Variants in UNC13C observed in about 807,000 individuals in gnomAD.
UNC13C encodes unc-13 homolog C, also known as protein unc-13 homolog C.
In UNC13C, 174 loss-of-function variants were observed where a neutral mutation model predicts 245.4. The observed-to-expected ratio is 0.71, with a 90% CI of 0.63 to 0.80. UNC13C has a LOEUF of 0.80. UNC13C is among the 30% of genes least tolerant of loss of function. The probability of loss-of-function intolerance (pLI) is 0.00; values close to 1 mark genes in which losing one functional copy is unlikely to be tolerated. For synonymous variants in UNC13C, 992 were observed against 895.1 expected (o/e 1.11, Z -1.93); for missense variants, 2,829 against 2,602.9 (o/e 1.09, Z -1.89).
At chr15:54,491,137 AT>A (rs1893682473) in intron 19 of UNC13C, among the ~76,000 whole-genome samples, 1 of 152,166 alleles carries the variant, frequency 6.6e-6, no homozygotes, top group Non-Finnish European at 1.5e-5. Flanking sequence ...CCCAGTAAAC[AT>A]TTTTTGGTAG....
intron 10 of UNC13C, among the ~76,000 whole-genome samples, chr15:54,280,619 T>A (rs1039978105): frequency 4.0e-5 from 6 of 148,738 alleles, no homozygotes; most frequent in Non-Finnish European, 5.9e-5. Flanking sequence ...TCCATATATA[T>A]GTATACATAC....
At chr15:54,274,898 C>T (rs918403676) in intron 10 of UNC13C, among the ~76,000 whole-genome samples, 7 of 152,066 alleles carry the variant, frequency 4.6e-5, no homozygotes, top group African/African-American at 1.7e-4. Context: ...TCTCAATCTC[C>T]TGACCTTGTG....
chr15:54,091,622 C>T (rs942493067), intron 2 of UNC13C, among the ~76,000 whole-genome samples: 3 of 151,464 alleles, frequency 2.0e-5, no homozygotes, highest in Non-Finnish European at 4.4e-5. Context: ...ATTTTTATTC[C>T]TTCTTTGAAT....
At chr15:53,939,322 G>A in the UNC13C span, among the ~76,000 whole-genome samples, 3 of 152,120 alleles carry the variant, frequency 2.0e-5, no homozygotes, top group Non-Finnish European at 4.4e-5. Context: ...CCACTAATGA[G>A]TTCTGAAATT....
At chr15:53,970,591 A>T in the UNC13C span, among the ~76,000 whole-genome samples, 1 of 152,134 alleles carries the variant, frequency 6.6e-6, no homozygotes, top group Admixed American at 6.5e-5. Flanking sequence ...AGAAAACCAA[A>T]TACCACATGT....
the UNC13C span, among the ~76,000 whole-genome samples, chr15:53,856,977 A>G: frequency 3.9e-5 from 6 of 152,096 alleles, no homozygotes; most frequent in Admixed American, 3.9e-4. Flanking sequence ...TTGGGTGCAT[A>G]TATATTTAGA....
In UNC13C at chr15:54,404,289, C is replaced by A. The variant is rs2040249056; in HGVS notation, c.4848-10693C>A. 2.0e-5 allele frequency among the ~76,000 whole-genome samples: 3 copies of A among 152,054 alleles called. No individual in the cohort carries two copies. In the South Asian group the frequency reaches 6.2e-4, roughly 32 times the overall value. On this transcript the variant is annotated intron_variant, in intron 18 of 32. Coordinates refer to ENST00000260323, the MANE Select transcript of UNC13C (RefSeq NM_001080534.3). ...CTCATTTAATGGATTCTAATTTTATCCATTGTGACTGATGAATCAGTATTA... is the reference window on the plus strand; with the variant it reads ...CTCATTTAATGGATTCTAATTTTATACATTGTGACTGATGAATCAGTATTA...
chr15:54,050,086 C>T (rs1397983357), intron 2 of UNC13C: 3 of 326,812 alleles, frequency 9.2e-6, no homozygotes, highest in South Asian at 2.6e-5. Context: ...TCTCCTGCCT[C>T]AGCCTCCCAA....
chr15:54,016,408 C>G (rs926507222), intron 2 of UNC13C, among the ~76,000 whole-genome samples: 2 of 152,176 alleles, frequency 1.3e-5, no homozygotes, highest in Non-Finnish European at 1.5e-5. Flanking sequence ...GTGCACAGGA[C>G]AGTCCCATGG....
intron 29 of UNC13C, among the ~76,000 whole-genome samples, chr15:54,565,531 A>G (rs553092157): frequency 9.9e-5 from 15 of 152,164 alleles, no homozygotes; most frequent in African/African-American, 3.6e-4. Flanking sequence ...AAAAGAGAGT[A>G]TAATTGTGAT....
At chr15:54,065,709 G>A (rs1898045009) in intron 2 of UNC13C, among the ~76,000 whole-genome samples, 1 of 152,172 alleles carries the variant, frequency 6.6e-6, no homozygotes, top group African/African-American at 2.4e-5. Flanking sequence ...GAACTTTTGG[G>A]GTCCAGTCCG....
intron 1 of UNC13C, among the ~76,000 whole-genome samples, chr15:54,008,479 T>C (rs757205963): frequency 3.9e-5 from 6 of 152,218 alleles, no homozygotes; most frequent in Non-Finnish European, 8.8e-5. Flanking sequence ...TAGTCTATTG[T>C]TTTAATCTCT....
the UNC13C span, among the ~76,000 whole-genome samples, chr15:53,843,685 T>A: frequency 6.6e-6 from 1 of 152,132 alleles, no homozygotes; most frequent in Non-Finnish European, 1.5e-5. Context: ...AGGCCATGTG[T>A]GCAGAACAAA....
chr15:53,961,109 TCCTTCATC>T, the UNC13C span, among the ~76,000 whole-genome samples: 3 of 152,230 alleles, frequency 2.0e-5, no homozygotes, highest in African/African-American at 7.2e-5. Context: ...CCTTATGCTT[TCCTTCATC>T]CCTGAGGTTT....
At chr15:54,180,284 C>T (rs2033754547) in intron 4 of UNC13C, among the ~76,000 whole-genome samples, 1 of 151,978 alleles carries the variant, frequency 6.6e-6, no homozygotes, top group Non-Finnish European at 1.5e-5. Context: ...GACTATTTTG[C>T]TTAGGATAAT....
At chr15:54,561,080 C>T (rs947963192) in intron 29 of UNC13C, among the ~76,000 whole-genome samples, 3 of 151,944 alleles carry the variant, frequency 2.0e-5, no homozygotes, top group Non-Finnish European at 2.9e-5. Context: ...AAATCTGACT[C>T]TTTTCCCCAA....
rs537368945 is a variant in UNC13C at position 54,194,195 on chromosome 15, C to T, written c.3072-40835C>T. Among the ~76,000 whole-genome samples, 9 of 152,192 alleles carry T rather than the reference C, an allele frequency of 5.9e-5. No individual in the cohort carries two copies. The South Asian group carries it at 8.3e-4, about 14-fold the overall frequency. ...AGACTATACAATGACCCAAGTTAGA[C>T]GGGGTGATAGTTTAGACTAGAGCAG... is the stretch of plus-strand genomic sequence containing the variant. On this transcript the variant is annotated intron_variant, in intron 4 of 32. Coordinates refer to ENST00000260323, the MANE Select transcript of UNC13C (RefSeq NM_001080534.3).
Position 54,235,075 on chromosome 15 carries a change from C to A in UNC13C, c.3117C>A (p.Arg1039=). 6.2e-7 allele frequency: 1 copy of A among 1,613,766 alleles called. No homozygotes were observed. Among genetic ancestry groups the A allele is most frequent in the Non-Finnish European group, 8.5e-7 (1 of 1,179,816 alleles). ...GTATTGACAGCATGCCGGATCTTCG[C>A]AGAAAAAAAACTTTGCCTATTGTCC... ...LYGIDSMPDL[R]RKKTLPIVRD... is the part of the protein sequence containing the mutation. Residue 1039 remains arginine (R), a synonymous_variant, in exon 5 of 33, where the codon CGC becomes CGA. Transcript: ENST00000260323.
intron 30 of UNC13C, among the ~76,000 whole-genome samples, chr15:54,580,169 C>T (rs1898138138): frequency 1.3e-5 from 2 of 152,168 alleles, no homozygotes; most frequent in Admixed American, 1.3e-4. Context: ...GGTTTGGTGA[C>T]CAATGGGGTC....
Sources: gnomAD v4.1 joint callset for allele counts (sites outside exome capture counted in the v4.1 genomes callset) on GRCh38, gnomAD v4.1.1 for gene constraint, MANE v1.5 for transcripts, NCBI Gene and HGNC (gene_info 2026-07-23, HGNC 2026-07-21) for gene names.